Variants in SMARCC1 observed in about 807,000 individuals in gnomAD.
SMARCC1 encodes the protein SWI/SNF complex subunit SMARCC1.
In SMARCC1, 43 loss-of-function variants were observed where a neutral mutation model predicts 147.4. The ratio of observed to expected loss-of-function variants is 0.29; its 90% CI spans 0.23 to 0.38. SMARCC1 has a LOEUF of 0.38. Among genes scored for constraint, SMARCC1 ranks in the 10% least tolerant of loss-of-function variants. SMARCC1 has a pLI of 1.00. For missense variants in SMARCC1, 1,119 were observed against 1,381.1 expected, an observed-to-expected ratio of 0.81 and a Z score of 3.01; for synonymous variants, 495 against 484.4, an observed-to-expected ratio of 1.02 and a Z score of -0.29.
At chr3:47,768,596 A>C (rs1030388091) in intron 2 of SMARCC1, among the ~76,000 whole-genome samples, 3 of 152,206 alleles carry the variant, frequency 2.0e-5, no homozygotes, top group Non-Finnish European at 4.4e-5. Flanking sequence ...GTTACAATTA[A>C]TAAAGTGCAA....
At chr3:47,777,764 G>A (rs1282576695) in intron 1 of SMARCC1, among the ~76,000 whole-genome samples, 1 of 151,712 alleles carries the variant, frequency 6.6e-6, no homozygotes, top group Non-Finnish European at 1.5e-5. Flanking sequence ...CTGACCTCAG[G>A]TGATCCACCG....
chr3:47,761,192 C>G (rs374754151), intron 2 of SMARCC1, among the ~76,000 whole-genome samples: 1 of 151,804 alleles, frequency 6.6e-6, no homozygotes, highest in Non-Finnish European at 1.5e-5. Context: ...GTCTCAGCCA[C>G]TCAGGAGGCT....
chr3:47,624,679 T>TTCA (rs2032782484), intron 24 of SMARCC1, among the ~76,000 whole-genome samples: 2 of 152,036 alleles, frequency 1.3e-5, no homozygotes, highest in African/African-American at 4.8e-5. Context: ...CAGAAAAAGA[T>TTCA]AAAGACCTTA....
At chr3:47,729,590 T>C (rs1186787327) in intron 5 of SMARCC1, among the ~76,000 whole-genome samples, 1 of 152,212 alleles carries the variant, frequency 6.6e-6, no homozygotes, top group Non-Finnish European at 1.5e-5. Flanking sequence ...TTCACCATGT[T>C]GGTCAGGCTG....
intron 21 of SMARCC1, among the ~76,000 whole-genome samples, chr3:47,641,782 T>A (rs1484303342): frequency 1.3e-5 from 2 of 152,234 alleles, no homozygotes; most frequent in Admixed American, 6.5e-5. Flanking sequence ...ATTACTTTTA[T>A]GTACATTTTT....
At chr3:47,675,815 C>T (rs1373149127) in intron 17 of SMARCC1, among the ~76,000 whole-genome samples, 3 of 151,848 alleles carry the variant, frequency 2.0e-5, no homozygotes, top group East Asian at 3.9e-4. Context: ...CGTGGTGGCA[C>T]GTGCCTATAA....
At chr3:47,697,549 G>A (rs559049906) in intron 11 of SMARCC1, among the ~76,000 whole-genome samples, 1 of 148,976 alleles carries the variant, frequency 6.7e-6, no homozygotes, top group South Asian at 2.1e-4. Context: ...TGATCCTCCC[G>A]CCTCAGCCTA....
chr3:47,628,851 A>C (rs1208741359), intron 24 of SMARCC1, among the ~76,000 whole-genome samples: 1 of 152,224 alleles, frequency 6.6e-6, no homozygotes, highest in Non-Finnish European at 1.5e-5. Context: ...TACATTTTAA[A>C]CACAGAAATC....
rs749369382 is a variant in SMARCC1 at position 47,675,583 on chromosome 3, A to C, written c.1731T>G (p.Pro577=). ...VPLHLRSPQV[P]AAQQMLNFPE... ...GAAAATTTAGCATCTGTTGAGCAGC[A>C]GGAACCTGAGTCAAATAAATGATAA... Residue 577 remains proline, a synonymous_variant, in exon 18 of 28, where the codon CCT becomes CCG. Coordinates refer to ENST00000254480, the MANE Select transcript of SMARCC1 (RefSeq NM_003074.4). 1.9e-6 allele frequency: 3 copies of C among 1,540,042 alleles called. No homozygotes were observed. Among genetic ancestry groups the C allele is most frequent in the East Asian group, 2.2e-5 (1 of 44,514 alleles).
intron 25 of SMARCC1, among the ~76,000 whole-genome samples, chr3:47,617,718 G>A (rs533442801): frequency 6.6e-6 from 1 of 152,250 alleles, no homozygotes; most frequent in African/African-American, 2.4e-5. Flanking sequence ...ATGAGCGGGT[G>A]GCATTTTGAA....
Position 47,772,910 on chromosome 3 carries a change from A to G in SMARCC1, c.222T>C (p.Asn74=), listed in dbSNP as rs761781143. ...GCACCACCAGCCCAGCCAGTGTTTT[A>G]TTGGTAGGAGCATCCGCATGAACAT... ...KKYVHADAPT[N]KTLAGLVVQL... is the part of the protein sequence containing the mutation. The change falls in exon 2 of 28, where the codon AAT becomes AAC. Residue 74 remains asparagine, a synonymous_variant. Transcript: ENST00000254480. The G allele has an allele frequency of 6.2e-6, 10 of 1,613,608 alleles. No individual in the cohort carries two copies. In the Admixed American group the frequency reaches 1.7e-4, roughly 27 times the overall value.
At chr3:47,720,111 A>G (rs2034212446) in intron 7 of SMARCC1, among the ~76,000 whole-genome samples, 1 of 151,956 alleles carries the variant, frequency 6.6e-6, no homozygotes, top group East Asian at 1.9e-4. Flanking sequence ...AACTACATAA[A>G]AGATATGAGG....
chr3:47,671,196 A>AAAACAAAAAAC (rs753672169), intron 18 of SMARCC1, among the ~76,000 whole-genome samples: 1 of 81,144 alleles, frequency 1.2e-5, no homozygotes, highest in Admixed American at 1.8e-4. Context: ...AAAAAAAAAA[A>AAAACAAAAAAC]AACACACACA....
chr3:47,710,413 G>A (rs1282514325), intron 9 of SMARCC1, among the ~76,000 whole-genome samples: 2 of 152,030 alleles, frequency 1.3e-5, no homozygotes, highest in African/African-American at 4.8e-5. Context: ...CAGATCTAGT[G>A]GGCAAAATCA....
At position 47,671,196 on chromosome 3, in the gene SMARCC1, A is replaced by AAAAAAAAAAAAC. The variant is rs753672169; in HGVS notation, c.1840-480_1840-479insGTTTTTTTTTTT. ...CTCAAAAAAAAAAAAAAAAAAAAAA[A>AAAAAAAAAAAAC]AACACACACAAAAACCAAAACCAAA... On this transcript the variant is annotated intron_variant, in intron 18 of 27. Transcript: ENST00000254480. Among the ~76,000 whole-genome samples, 780 of 81,102 alleles carry AAAAAAAAAAAAC rather than the reference A, an allele frequency of 9.6e-3. 160 individuals carry two copies. Among genetic ancestry groups the AAAAAAAAAAAAC allele is most frequent in the Middle Eastern group, 0.018 (2 of 110 alleles). The allele number at this position is 81,102 out of a possible 152,430, so 53.2% of individuals were successfully genotyped here. A position where few individuals can be genotyped will look rare whatever the true frequency, so the allele number is the denominator to read the frequency against.
chr3:47,751,503 T>C (rs2034628604), intron 2 of SMARCC1, among the ~76,000 whole-genome samples: 1 of 151,072 alleles, frequency 6.6e-6, no homozygotes, highest in Non-Finnish European at 1.5e-5. Flanking sequence ...ATCACGCCAC[T>C]GCACTCCAGC....
At chr3:47,759,168 C>T (rs910922590) in intron 2 of SMARCC1, among the ~76,000 whole-genome samples, 2 of 151,934 alleles carry the variant, frequency 1.3e-5, no homozygotes, top group East Asian at 2.0e-4. Context: ...CCCTCCCAAA[C>T]GCCTGGCTAA....
chr3:47,588,203 T>C lies in SMARCC1; in HGVS notation c.*6A>G. The C allele has an allele frequency of 1.9e-6, 3 of 1,611,088 alleles. No homozygotes were observed. In the South Asian group the frequency reaches 3.3e-5, roughly 18 times the overall value. On this transcript the variant is annotated 3_prime_UTR_variant, in exon 28 of 28. Coordinates refer to ENST00000254480, the MANE Select transcript of SMARCC1 (RefSeq NM_003074.4). ...GTGGGCGTGGAGGTTCCCTGCATCT[T>C]CCAGGCTAAGGAGCAGCTGAGGCTG...
Position 47,671,285 on chromosome 3 carries a change from ATACT to A in SMARCC1, c.1840-572_1840-569del, listed in dbSNP as rs146989721. The stretch of plus-strand genomic sequence containing the variant: ...TGGATATGTTATTTCTATTATTTTG[ATACT>A]TAACAGTATCTTTGGCAAGCTAAAA... On this transcript the variant is annotated intron_variant, in intron 18 of 27. Transcript: ENST00000254480. Among the ~76,000 whole-genome samples the A allele has an allele frequency of 1.7e-3, 252 of 151,236 alleles. 3 individuals carry two copies. Among genetic ancestry groups the A allele is most frequent in the African/African-American group, 6.0e-3 (246 of 41,222 alleles).
Sources: gnomAD v4.1 joint callset for allele counts (sites outside exome capture counted in the v4.1 genomes callset) on GRCh38, gnomAD v4.1.1 for gene constraint, MANE v1.5 for transcripts, NCBI Gene and HGNC (gene_info 2026-07-23, HGNC 2026-07-21) for gene names.